ARHGAP15: variants seen among roughly 807,000 people sequenced by gnomAD.
ARHGAP15 encodes the protein rho GTPase-activating protein 15.
A neutral mutation model predicts 63.7 loss-of-function variants in ARHGAP15; 51 were observed. The observed-to-expected ratio is 0.80, with a 90% CI of 0.64 to 1.01. The LOEUF is 1.01. Among genes scored for constraint, ARHGAP15 ranks in the 50% least tolerant of loss-of-function variants. The pLI is 0.00. For missense variants in ARHGAP15, 560 were observed against 564.6 expected (o/e 0.99, Z 0.08); for synonymous variants, 191 against 193.8 (o/e 0.99, Z 0.12).
chr2:143,454,437 A>G (rs1258441026), intron 8 of ARHGAP15, among the ~76,000 whole-genome samples: 3 of 152,076 alleles, frequency 2.0e-5, no homozygotes, highest in African/African-American at 7.2e-5. Flanking sequence ...CAATCACTGT[A>G]TATTTATCTG....
At chr2:143,483,481 T>C (rs1040333738) in intron 8 of ARHGAP15, among the ~76,000 whole-genome samples, 1 of 152,234 alleles carries the variant, frequency 6.6e-6, no homozygotes, top group African/African-American at 2.4e-5. Flanking sequence ...ATATTACTTT[T>C]GTAACCTGTG....
At chr2:143,744,275 A>G (rs2105512908) in intron 13 of ARHGAP15, among the ~76,000 whole-genome samples, 2 of 152,344 alleles carry the variant, frequency 1.3e-5, no homozygotes, top group Middle Eastern at 6.8e-3. Context: ...ACAGTTCTGC[A>G]TTGTATATGT....
At chr2:143,435,149 TAAAC>T (rs1366769201) in intron 6 of ARHGAP15, 1 of 522,918 alleles carries the variant, frequency 1.9e-6, no homozygotes, top group Non-Finnish European at 2.5e-6. Flanking sequence ...TTTTGGTAAA[TAAAC>T]TGTTTTAGAG....
chr2:143,269,221 TGA>T (rs1681147966), intron 6 of ARHGAP15, among the ~76,000 whole-genome samples: 1 of 152,132 alleles, frequency 6.6e-6, no homozygotes, highest in Non-Finnish European at 1.5e-5. Context: ...TAAAGTACTT[TGA>T]AAGTCTGGAG....
Position 143,291,172 on chromosome 2 carries a change from A to C in ARHGAP15, c.474+40572A>C, listed in dbSNP as rs151329337. 1.0e-3 allele frequency among the ~76,000 whole-genome samples: 155 copies of C among 152,296 alleles called. 1 individual carries two copies. Among genetic ancestry groups the C allele is most frequent in the African/African-American group, 3.6e-3 (151 of 41,572 alleles). On this transcript the variant is annotated intron_variant, in intron 6 of 13. Coordinates refer to ENST00000295095, the MANE Select transcript of ARHGAP15 (RefSeq NM_018460.4). Reference sequence around the variant, plus strand: ...CCAGGTGATTTAACCCTGGTTTGATAATTTCTATCAGAAATACAGCAAATA... The same window carrying C: ...CCAGGTGATTTAACCCTGGTTTGATCATTTCTATCAGAAATACAGCAAATA...
chr2:143,329,903 C>T (rs1684431318), intron 6 of ARHGAP15, among the ~76,000 whole-genome samples: 1 of 143,134 alleles, frequency 7.0e-6, no homozygotes, highest in Admixed American at 7.0e-5. Context: ...AAATTGCCCC[C>T]CTGCCCTCCA....
chr2:143,755,311 A>G (rs1399099180), intron 13 of ARHGAP15, among the ~76,000 whole-genome samples: 1 of 151,834 alleles, frequency 6.6e-6, no homozygotes, highest in Non-Finnish European at 1.5e-5. Context: ...CAATAGTGGT[A>G]ATATCTAAGT....
chr2:143,748,263 A>T (rs1325773500), intron 13 of ARHGAP15, among the ~76,000 whole-genome samples: 2 of 152,176 alleles, frequency 1.3e-5, no homozygotes. Flanking sequence ...TCCAAAAAGC[A>T]ATTTTATGAT....
intron 13 of ARHGAP15, chr2:143,704,008 G>GAAAAAAAAAAAAAAA (rs111878424): frequency 7.4e-6 from 1 of 135,630 alleles, no homozygotes; most frequent in Non-Finnish European, 1.5e-5. Context: ...AGTCTTCCAG[G>GAAAAAAAAAAAAAAA]AAAAAAAAAA....
chr2:143,160,209 G>A (rs189160091), intron 2 of ARHGAP15, among the ~76,000 whole-genome samples: 1 of 151,840 alleles, frequency 6.6e-6, no homozygotes, highest in Non-Finnish European at 1.5e-5. Flanking sequence ...TTAAATTCTA[G>A]ACACACACAA....
chr2:143,611,725 C>T (rs1698262561), intron 11 of ARHGAP15, among the ~76,000 whole-genome samples: 1 of 152,156 alleles, frequency 6.6e-6, no homozygotes, highest in African/African-American at 2.4e-5. Context: ...CATCCCCCAA[C>T]CAAACTCATT....
chr2:143,139,238 G>A (rs562142038), intron 1 of ARHGAP15, among the ~76,000 whole-genome samples: 3 of 152,026 alleles, frequency 2.0e-5, no homozygotes, highest in South Asian at 2.1e-4. Context: ...TTCCAATTTC[G>A]ATTACATCTC....
intron 6 of ARHGAP15, among the ~76,000 whole-genome samples, chr2:143,421,906 A>G (rs1007806343): frequency 2.0e-5 from 3 of 151,186 alleles, no homozygotes; most frequent in South Asian, 2.1e-4. Flanking sequence ...AAAGGGGGGG[A>G]GAGAGAGCAA....
At chr2:143,378,471 A>G (rs1428907613) in intron 6 of ARHGAP15, among the ~76,000 whole-genome samples, 3 of 152,042 alleles carry the variant, frequency 2.0e-5, no homozygotes, top group African/African-American at 7.2e-5. Flanking sequence ...CAAACCCAAT[A>G]TCTTTCCTGT....
chr2:143,213,065 G>T (rs576924645), intron 3 of ARHGAP15, among the ~76,000 whole-genome samples: 1 of 152,166 alleles, frequency 6.6e-6, no homozygotes, highest in African/African-American at 2.4e-5. Flanking sequence ...TCTTGAATAT[G>T]AACTCCCAGG....
At chr2:143,571,769 T>G (rs1696467061) in intron 11 of ARHGAP15, 1 of 152,218 alleles carries the variant, frequency 6.6e-6, no homozygotes, top group African/African-American at 2.4e-5. Flanking sequence ...ATTACTTTCA[T>G]GTCTGGCAGC....
intron 8 of ARHGAP15, among the ~76,000 whole-genome samples, chr2:143,445,153 A>ATTTTTTTTTTTTTT (rs10671306): frequency 4.0e-5 from 3 of 74,458 alleles, no homozygotes; most frequent in Admixed American, 2.1e-4. Flanking sequence ...AAGAACAATT[A>ATTTTTTTTTTTTTT]TTTTTTTTTT....
At chr2:143,146,312 G>A (rs901793470) in intron 1 of ARHGAP15, among the ~76,000 whole-genome samples, 2 of 151,932 alleles carry the variant, frequency 1.3e-5, no homozygotes, top group African/African-American at 4.8e-5. Flanking sequence ...TATTGCACAG[G>A]CACTTCACAA....
At chr2:143,495,246 C>T (rs1193587190) in intron 9 of ARHGAP15, among the ~76,000 whole-genome samples, 1 of 151,858 alleles carries the variant, frequency 6.6e-6, no homozygotes, top group African/African-American at 2.4e-5. Flanking sequence ...TATTTAGGTG[C>T]ACAGAGTAAA....
Sources: gnomAD v4.1 joint callset for allele counts (sites outside exome capture counted in the v4.1 genomes callset) on GRCh38, gnomAD v4.1.1 for gene constraint, MANE v1.5 for transcripts, NCBI Gene and HGNC (gene_info 2026-07-23, HGNC 2026-07-21) for gene names.